TRIQK: variants seen among roughly 807,000 people sequenced by gnomAD.
The protein encoded by TRIQK is triple QxxK/R motif-containing protein.
In TRIQK, 10 loss-of-function variants were observed where a neutral mutation model predicts 10.8. The observed-to-expected ratio is 0.92, with a 90% confidence interval of 0.57 to 1.57. The LOEUF is 1.57. Ranked by LOEUF, TRIQK falls within the 40% of genes most tolerant of loss-of-function variation. The pLI is 0.00. For missense variants in TRIQK, 107 were observed against 97.7 expected, an observed-to-expected ratio of 1.09 and a Z score of -0.40; for synonymous variants, 33 against 33.7, an observed-to-expected ratio of 0.98 and a Z score of 0.07.
intron 3 of TRIQK, among the ~76,000 whole-genome samples, chr8:92,898,870 T>TATATATATATAG (rs1563616273): frequency 7.6e-6 from 1 of 131,666 alleles, no homozygotes; most frequent in African/African-American, 2.8e-5. Flanking sequence ...TATATATATA[T>TATATATATATAG]ATAGATGGGG....
At chr8:92,906,694 T>A (rs1809276068) in intron 3 of TRIQK, among the ~76,000 whole-genome samples, 1 of 145,442 alleles carries the variant, frequency 6.9e-6, no homozygotes, top group African/African-American at 2.6e-5. Flanking sequence ...AAGGGAAGAC[T>A]GCTAACACGG....
In TRIQK at chr8:92,981,058, T is replaced by C. The variant is rs1812981208; in HGVS notation, c.-180-26494A>G. Among the ~76,000 whole-genome samples the C allele has an allele frequency of 2.6e-5, 4 of 151,792 alleles. No individual in the cohort carries two copies. In the South Asian group the frequency reaches 8.3e-4, roughly 31 times the overall value. On this transcript the variant is annotated intron_variant, in intron 1 of 4. Coordinates refer to the TRIQK transcript ENST00000520686. ...GGAGTATACATTTTGATAAATATCC[T>C]TTGAAAATAGCTTATAATTAATGTA...
At chr8:93,002,351 C>G (rs944738468) in intron 1 of TRIQK, among the ~76,000 whole-genome samples, 1 of 151,980 alleles carries the variant, frequency 6.6e-6, no homozygotes, top group African/African-American at 2.4e-5. Flanking sequence ...AGTGATAAAA[C>G]TGACAAGCTT....
At chr8:93,006,266 T>C (rs978126484) in intron 1 of TRIQK, among the ~76,000 whole-genome samples, 4 of 152,004 alleles carry the variant, frequency 2.6e-5, no homozygotes, top group South Asian at 2.1e-4. Flanking sequence ...GTATCCAAGT[T>C]ATTTCATTGG....
chr8:92,921,167 TG>T (rs1330335755), intron 2 of TRIQK, among the ~76,000 whole-genome samples: 1 of 151,668 alleles, frequency 6.6e-6, no homozygotes, highest in African/African-American at 2.4e-5. Flanking sequence ...TTTGTGATGC[TG>T]GGGAGGAGTA....
intron 1 of TRIQK, among the ~76,000 whole-genome samples, chr8:92,981,907 T>C (rs1174478358): frequency 6.6e-6 from 1 of 151,760 alleles, no homozygotes. Context: ...CTCCAGGAAA[T>C]TGAAATAGAA....
chr8:92,992,633 AG>A (rs1813107234), intron 1 of TRIQK, among the ~76,000 whole-genome samples: 1 of 152,218 alleles, frequency 6.6e-6, no homozygotes, highest in Non-Finnish European at 1.5e-5. Context: ...TCTGAGGCCA[AG>A]AAGCACAGGG....
chr8:92,913,673 T>A (rs542690277), intron 3 of TRIQK, among the ~76,000 whole-genome samples: 1 of 152,190 alleles, frequency 6.6e-6, no homozygotes, highest in Admixed American at 6.5e-5. Flanking sequence ...TCCACACTTA[T>A]GTTTACTGAA....
upstream of TRIQK, among the ~76,000 whole-genome samples, chr8:92,966,459 G>T (rs545741826): frequency 6.6e-6 from 1 of 152,098 alleles, no homozygotes; most frequent in Non-Finnish European, 1.5e-5. Flanking sequence ...GTGGAAGGGC[G>T]CACTGTCTGT....
intron 1 of TRIQK, among the ~76,000 whole-genome samples, chr8:93,001,060 C>G (rs1813205848): frequency 6.6e-6 from 1 of 152,054 alleles, no homozygotes; most frequent in African/African-American, 2.4e-5. Flanking sequence ...GTAATCCCAG[C>G]ACTTTGGGAG....
intron 2 of TRIQK, among the ~76,000 whole-genome samples, chr8:92,944,987 T>C (rs1470738590): frequency 1.3e-5 from 2 of 152,232 alleles, no homozygotes; most frequent in African/African-American, 4.8e-5. Flanking sequence ...ATATTTATTA[T>C]ATCTTAATAA....
chr8:92,992,523 G>C (rs905869692), intron 1 of TRIQK, among the ~76,000 whole-genome samples: 2 of 152,210 alleles, frequency 1.3e-5, no homozygotes, highest in Admixed American at 1.3e-4. Flanking sequence ...AGGGGTCTGA[G>C]AGAAAGCCAG....
intron 2 of TRIQK, among the ~76,000 whole-genome samples, chr8:92,918,291 A>G (rs758447033): frequency 2.6e-5 from 4 of 151,904 alleles, no homozygotes; most frequent in Non-Finnish European, 4.4e-5. Context: ...TTATTGAGGA[A>G]CCTCCATATT....
chr8:92,916,379 A>G (rs1380447193), intron 3 of TRIQK, among the ~76,000 whole-genome samples: 1 of 152,116 alleles, frequency 6.6e-6, no homozygotes, highest in Non-Finnish European at 1.5e-5. Context: ...TGAGGGTCCA[A>G]GTATATTTGG....
intron 2 of TRIQK, among the ~76,000 whole-genome samples, chr8:92,948,862 C>T (rs774081312): frequency 4.6e-5 from 7 of 152,148 alleles, no homozygotes; most frequent in African/African-American, 1.2e-4. Flanking sequence ...CCAATGCTGC[C>T]TCCTTATATA....
intron 1 of TRIQK, among the ~76,000 whole-genome samples, chr8:93,017,192 T>TC (rs1813393835): frequency 7.0e-6 from 1 of 142,516 alleles, no homozygotes. Context: ...TATATACCAA[T>TC]ATCAGGAAGC....
At chr8:92,972,572 A>G (rs1812886365) in intron 1 of TRIQK, 1 of 152,296 alleles carries the variant, frequency 6.6e-6, no homozygotes, top group African/African-American at 2.4e-5. Context: ...CCTAGCTCCA[A>G]CTTTCTACTT....
At chr8:93,000,879 G>T (rs1464296279) in intron 1 of TRIQK, among the ~76,000 whole-genome samples, 2 of 104,318 alleles carry the variant, frequency 1.9e-5, no homozygotes, top group Admixed American at 8.9e-5. Context: ...AACCACAAAG[G>T]ATTAAAAAAA....
chr8:93,011,912 A>G (rs72660413), intron 1 of TRIQK, among the ~76,000 whole-genome samples: 4,822 of 152,242 alleles, frequency 0.032, 121 homozygotes, highest in South Asian at 0.049. Context: ...CCACCCTCCT[A>G]CTGCAAATGT....
Sources: allele counts gnomAD v4.1 joint callset (sites outside exome capture counted in the v4.1 genomes callset), GRCh38; gene constraint gnomAD v4.1.1; transcripts MANE v1.5; gene names NCBI Gene and HGNC (gene_info 2026-07-23, HGNC 2026-07-21).